The following AP3B1 variants were observed in gnomAD, a reference collection of about 807,000 sequenced individuals.
AP3B1 encodes adaptor related protein complex 3 subunit beta 1, also known as AP-3 complex subunit beta-1.
Under a neutral mutation model 132.5 loss-of-function variants are expected in AP3B1, and 61 were observed. That is an observed-to-expected ratio of 0.46 (90% CI 0.37 to 0.57). AP3B1 has a LOEUF of 0.57. Among genes scored for constraint, AP3B1 ranks in the 20% least tolerant of loss-of-function variants. The pLI is 0.00. For synonymous variants in AP3B1, 388 were observed against 438.3 expected, an observed-to-expected ratio of 0.89 and a Z score of 1.43; for missense variants, 1,120 against 1,289.4, an observed-to-expected ratio of 0.87 and a Z score of 2.01.
intron 7 of AP3B1, among the ~76,000 whole-genome samples, chr5:78,191,898 T>C (rs191945662): frequency 1.3e-5 from 2 of 152,278 alleles, no homozygotes; most frequent in Admixed American, 1.3e-4. Context: ...TTCGCTCTTA[T>C]TGCCCAGGCT....
At chr5:78,140,422 C>T (rs1451320885) in intron 15 of AP3B1, among the ~76,000 whole-genome samples, 1 of 152,092 alleles carries the variant, frequency 6.6e-6, no homozygotes, top group Non-Finnish European at 1.5e-5. Flanking sequence ...ATTTATTTCT[C>T]ACAGTTCTGG....
chr5:78,216,372 C>T, intron 6 of AP3B1, 135 bp from the exon 7 acceptor site: 1 of 850,762 alleles, frequency 1.2e-6, no homozygotes, highest in East Asian at 2.6e-5. Context: ...AATGAATGTT[C>T]ATGTTTGAAT....
chr5:78,252,505 CAG>C (rs147587777), intron 2 of AP3B1, among the ~76,000 whole-genome samples: 3,766 of 152,236 alleles, frequency 0.025, 160 homozygotes, highest in African/African-American at 0.083. Flanking sequence ...AAAGTACTGC[CAG>C]AGTTCCCCCG....
chr5:78,256,758 C>A (rs895583683), intron 2 of AP3B1, among the ~76,000 whole-genome samples: 4 of 151,996 alleles, frequency 2.6e-5, no homozygotes, highest in African/African-American at 9.7e-5. Context: ...AATATTGATG[C>A]AAAAATCCTC....
chr5:78,256,875 C>T (rs1180464600), intron 2 of AP3B1, among the ~76,000 whole-genome samples: 1 of 152,096 alleles, frequency 6.6e-6, no homozygotes, highest in African/African-American at 2.4e-5. Context: ...ATACACAAAT[C>T]AATCAATGTG....
At position 78,128,070 on chromosome 5, in the gene AP3B1, G is replaced by A. The variant is rs769622520; in HGVS notation, c.1928C>T (p.Ala643Val). Residue 643 changes from alanine to valine, a missense_variant, in exon 17 of 27, where the codon GCG (alanine) becomes GTG (valine). Ala to Val is a moderately conservative substitution (Grantham distance 64). Transcript: ENST00000255194. ...TACATTTCGAACTGATGGGTCGGGC[G>A]CCACCTCTGGCCAATTAGATAATTC... ...YLELSNWPEV[A>V]PDPSVRNVEV... The A allele has an allele frequency of 8.1e-6, 13 of 1,613,018 alleles. No homozygotes were observed. In the African/African-American group the frequency reaches 1.2e-4, roughly 15 times the overall value.
intron 13 of AP3B1, among the ~76,000 whole-genome samples, chr5:78,159,358 T>C (rs913447358): frequency 8.5e-5 from 13 of 152,176 alleles, no homozygotes; most frequent in Admixed American, 1.3e-4. Context: ...ACTAAAAACA[T>C]AGTGGCTTAA....
chr5:78,250,255 CA>C (rs1359458310), intron 2 of AP3B1, among the ~76,000 whole-genome samples: 2 of 151,980 alleles, frequency 1.3e-5, no homozygotes, highest in African/African-American at 4.8e-5. Context: ...TACCTATTCC[CA>C]AAGAATCTTA....
chr5:78,234,111 G>A (rs926527962), intron 3 of AP3B1, among the ~76,000 whole-genome samples: 2 of 152,094 alleles, frequency 1.3e-5, no homozygotes, highest in Non-Finnish European at 2.9e-5. Context: ...TACAACTGTA[G>A]TAAAAGGTAG....
chr5:78,120,468 C>T lies in AP3B1; in HGVS notation c.1969-4234G>A, dbSNP rs960939845. On this transcript the variant is annotated intron_variant, in intron 17 of 26. Coordinates refer to ENST00000255194, the MANE Select transcript of AP3B1 (RefSeq NM_003664.5). ...AACCCATCTCACGTGGAGAGTCACA[C>T]ATAAACTCAAAATAAAGGGATGGAG... is the stretch of plus-strand genomic sequence containing the variant. Among the ~76,000 whole-genome samples, 13 of 152,088 alleles carry T rather than the reference C, an allele frequency of 8.5e-5. 1 individual carries two copies. Among genetic ancestry groups the T allele is most frequent in the African/African-American group, 2.9e-4 (12 of 41,408 alleles).
chr5:78,004,566 A>G (rs945368509), intron 26 of AP3B1, among the ~76,000 whole-genome samples: 2 of 152,254 alleles, frequency 1.3e-5, no homozygotes, highest in African/African-American at 4.8e-5. Context: ...AAATAAAATC[A>G]TGAACTAGGT....
At chr5:78,200,343 G>A (rs1482744783) in intron 7 of AP3B1, among the ~76,000 whole-genome samples, 3 of 152,010 alleles carry the variant, frequency 2.0e-5, no homozygotes, top group Non-Finnish European at 2.9e-5. Context: ...TGGTTTTTGA[G>A]GATAAAAGGA....
At chr5:78,247,156 A>C (rs1447925189) in intron 2 of AP3B1, among the ~76,000 whole-genome samples, 1 of 151,452 alleles carries the variant, frequency 6.6e-6, no homozygotes, top group East Asian at 1.9e-4. Context: ...GACTGTGTTT[A>C]GTTTAATTCT....
chr5:78,165,609 C>A lies in AP3B1; in HGVS notation c.1230+1G>T. The A allele has an allele frequency of 6.2e-7, 1 of 1,604,914 alleles. No individual in the cohort carries two copies. The highest frequency in any genetic ancestry group is 8.5e-7 in the Non-Finnish European group (1 of 1,172,900). ...TTTTATAATTAGCACTGTACACAAA[C>A]CTGAAATTCTCGAAGAAGAGTTGAT... On this transcript the variant is annotated splice_donor_variant, in intron 12 of 26. Coordinates refer to ENST00000255194, the MANE Select transcript of AP3B1 (RefSeq NM_003664.5). LOFTEE classifies it high-confidence loss of function.
intron 22 of AP3B1, among the ~76,000 whole-genome samples, chr5:78,053,548 C>T (rs934618089): frequency 9.2e-5 from 14 of 151,720 alleles, no homozygotes; most frequent in African/African-American, 2.7e-4. Flanking sequence ...GGCATGGTGG[C>T]GCATGCCTGT....
At position 78,002,433 on chromosome 5, in the gene AP3B1, CAG is replaced by C. The variant is rs1746225478; in HGVS notation, c.*467_*468del. 1 of 402,654 alleles carries C rather than the reference CAG, an allele frequency of 2.5e-6. No homozygotes were observed. The highest frequency in any genetic ancestry group is 4.4e-6 in the Non-Finnish European group (1 of 228,906). The allele number at this position is 402,654 out of a possible 1,614,324, so 24.9% of individuals were successfully genotyped here. On this transcript the variant is annotated 3_prime_UTR_variant, in exon 27 of 27. Coordinates refer to ENST00000255194, the MANE Select transcript of AP3B1 (RefSeq NM_003664.5). ...AAGAAATTCAAAGAACAAAATCTTG[CAG>C]AGACTATGCTTTTGTATTTGGATTT...
intron 1 of AP3B1, among the ~76,000 whole-genome samples, chr5:78,293,025 C>T (rs928296665): frequency 6.6e-6 from 1 of 151,946 alleles, no homozygotes; most frequent in Non-Finnish European, 1.5e-5. Flanking sequence ...ATTACAGGCA[C>T]GAGCCACCAC....
chr5:78,259,716 C>T (rs530260470), intron 2 of AP3B1, among the ~76,000 whole-genome samples: 271 of 152,158 alleles, frequency 1.8e-3, no homozygotes, highest in African/African-American at 6.2e-3. Context: ...GCCTGTAATC[C>T]CAGCACTTTG....
chr5:78,020,667 CTAG>C, intron 25 of AP3B1, 22 bp downstream of exon 25: 5 of 1,541,312 alleles, frequency 3.2e-6, no homozygotes, highest in Non-Finnish European at 4.5e-6. Context: ...ATGTAAATTT[CTAG>C]TAAGTTGTAG....
Sources: gnomAD v4.1 joint callset for allele counts (sites outside exome capture counted in the v4.1 genomes callset) on GRCh38, gnomAD v4.1.1 for gene constraint, MANE v1.5 for transcripts, NCBI Gene and HGNC (gene_info 2026-07-23, HGNC 2026-07-21) for gene names.